Variants in SLC25A6 observed in about 807,000 individuals in gnomAD.
The protein encoded by SLC25A6 is ADP/ATP translocase 3.
Under a neutral mutation model 25.7 loss-of-function variants are expected in SLC25A6, and 9 were observed. The observed-to-expected ratio is 0.35, with a 90% confidence interval of 0.21 to 0.61. SLC25A6 has a LOEUF of 0.61. Ranked by LOEUF, SLC25A6 falls within the 20% of genes least tolerant of loss-of-function variation. The probability of loss-of-function intolerance (pLI) is 0.76; values close to 1 mark genes in which losing one functional copy is unlikely to be tolerated. For missense variants in SLC25A6, 404 were observed against 440.5 expected (o/e 0.92, Z 0.74); for synonymous variants, 223 against 197.0 (o/e 1.13, Z -1.11).
Position 1,386,520 on chromosome X carries a change from T to C in SLC25A6, c.*82A>G. The C allele has an allele frequency of 1.5e-6, 2 of 1,350,884 alleles. No individual in the cohort carries two copies. The highest frequency in any genetic ancestry group is 3.0e-5 in the Admixed American group (1 of 33,168). The allele number at this position is 1,350,884 out of a possible 1,614,324, so 83.7% of individuals were successfully genotyped here. On this transcript the variant is annotated 3_prime_UTR_variant, in exon 4 of 4. Transcript: ENST00000381401. ...AAGACAACTGGAATTTCTCGAAGGT[T>C]GATGGTCCGCACGGTTGAGGATTCT...
In SLC25A6 at chrX:1,389,415, C is replaced by T; in HGVS notation, c.424G>A (p.Ala142Thr). Reference sequence around the variant, plus strand: ...GTGCCTGACTTTCCCACGTCCGCTGCCAGGCGGGTTCTGGCGAAATCCAGC... The same window carrying T: ...GTGCCTGACTTTCCCACGTCCGCTGTCAGGCGGGTTCTGGCGAAATCCAGC... ...YPLDFARTRL[A>T]ADVGKSGTER... The change falls in exon 2 of 4, where the codon GCA becomes ACA. Residue 142 changes from alanine to threonine, a missense_variant. Ala to Thr is a moderately conservative substitution (Grantham distance 58). Transcript: ENST00000381401. 1 of 1,613,794 alleles carries T rather than the reference C, an allele frequency of 6.2e-7. No individual in the cohort carries two copies. Among genetic ancestry groups the T allele is most frequent in the Non-Finnish European group, 8.5e-7 (1 of 1,179,868 alleles).
In SLC25A6 at chrX:1,386,422, G is replaced by A. The variant is rs759141414; in HGVS notation, c.*180C>T. On this transcript the variant is annotated 3_prime_UTR_variant, in exon 4 of 4. Transcript: ENST00000381401. ...TGATCAAGACACGGAATCGGCTGCCGATGGTTGGATCGCAATGCGCCCCTT... is the reference window on the plus strand; with the variant it reads ...TGATCAAGACACGGAATCGGCTGCCAATGGTTGGATCGCAATGCGCCCCTT... 8.8e-5 allele frequency: 68 copies of A among 777,020 alleles called. No individual in the cohort carries two copies. Among genetic ancestry groups the A allele is most frequent in the African/African-American group, 5.2e-4 (29 of 55,648 alleles). The allele number at this position is 777,020 out of a possible 1,614,324, so 48.1% of individuals were successfully genotyped here. A position where few individuals can be genotyped will look rare whatever the true frequency, so the allele number is the denominator to read the frequency against.
At position 1,386,300 on chromosome X, in the gene SLC25A6, G is replaced by T; in HGVS notation, c.*302C>A. The T allele has an allele frequency of 2.7e-6, 1 of 369,748 alleles. No homozygotes were observed. Among genetic ancestry groups the T allele is most frequent in the Non-Finnish European group, 4.8e-6 (1 of 207,998 alleles). 22.9% of individuals were successfully genotyped at this position (369,748 alleles called of 1,614,324 possible). On this transcript the variant is annotated 3_prime_UTR_variant, in exon 4 of 4. Coordinates refer to ENST00000381401, the MANE Select transcript of SLC25A6 (RefSeq NM_001636.4). ...TGTTTTAAATAAATACTTAGAACAC[G>T]ACTTGGCTCCTACAAGCATCTGGAC...
In SLC25A6 at chrX:1,392,043, C is replaced by A; in HGVS notation, c.-34G>T. 6.6e-7 allele frequency: 1 copy of A among 1,523,002 alleles called. No individual in the cohort carries two copies. The highest frequency in any genetic ancestry group is 9.0e-7 in the Non-Finnish European group (1 of 1,110,820). 94.3% of individuals were successfully genotyped at this position (1,523,002 alleles called of 1,614,324 possible). ...GGCGGGCAGCGGAACGGGAGGACAG[C>A]CGGAGAACGGGCGCGGAGAGTGAAT... is the stretch of plus-strand genomic sequence containing the variant. On this transcript the variant is annotated 5_prime_UTR_variant, in exon 1 of 4. Coordinates refer to ENST00000381401, the MANE Select transcript of SLC25A6 (RefSeq NM_001636.4).
chrX:1,387,215 G>A lies in SLC25A6; in HGVS notation c.739+64C>T, dbSNP rs1348380116. The stretch of plus-strand genomic sequence containing the variant: ...CCTTTGATGGTTCCTGACCTCCCAC[G>A]GGCCTAGGGCAAGGAGCTTGGTTCC... On this transcript the variant is annotated intron_variant, in intron 3 of 3. Transcript: ENST00000381401. 6.9e-5 allele frequency: 110 copies of A among 1,585,062 alleles called. No homozygotes were observed. The Admixed American group carries it at 9.5e-4, about 14-fold the overall frequency.
At position 1,389,265 on chromosome X, in the gene SLC25A6, A is replaced by G. The variant is rs1569529175; in HGVS notation, c.574T>C (p.Phe192Leu). The change falls in exon 2 of 4, where the codon TTC becomes CTC. Residue 192 changes from phenylalanine (F) to leucine (L), a missense_variant. Phe to Leu is a conservative substitution (Grantham distance 22). Transcript: ENST00000381401. ...CCCTTGGCCGTATCGTACACGCCGAAGTAGGCCGCCCGGTAGATGATGATG... is the reference window on the plus strand; with the variant it reads ...CCCTTGGCCGTATCGTACACGCCGAGGTAGGCCGCCCGGTAGATGATGATG... ...QGIIIYRAAYFGVYDTAKGML... is the reference protein window; with the variant it reads ...QGIIIYRAAYLGVYDTAKGML... 3.1e-6 allele frequency: 5 copies of G among 1,613,692 alleles called. No homozygotes were observed. Among genetic ancestry groups the G allele is most frequent in the Non-Finnish European group, 4.2e-6 (5 of 1,179,766 alleles).
Position 1,391,915 on chromosome X carries a change from A to G in SLC25A6, c.95T>C (p.Val32Ala). ...SKTAVAPIER[V>A]KLLLQVQHAS... is the part of the protein sequence containing the mutation. ...CGTCCCCACCTGCAGCAGCAGCTTGACCCGCTCGATCGGAGCCACGGCCGT... is the reference window on the plus strand; with the variant it reads ...CGTCCCCACCTGCAGCAGCAGCTTGGCCCGCTCGATCGGAGCCACGGCCGT... The change falls in exon 1 of 4, where the codon GTC becomes GCC. Residue 32 changes from valine to alanine, a missense_variant. Physicochemically the swap from Val to Ala is moderately conservative, Grantham distance 64 (BLOSUM62 0). Coordinates refer to ENST00000381401, the MANE Select transcript of SLC25A6 (RefSeq NM_001636.4). 1 of 1,607,414 alleles carries G rather than the reference A, an allele frequency of 6.2e-7. No individual in the cohort carries two copies. The highest frequency in any genetic ancestry group is 8.5e-7 in the Non-Finnish European group (1 of 1,178,284).
Position 1,389,299 on chromosome X carries a change from G to T in SLC25A6, c.540C>A (p.Ser180=). The change falls in exon 2 of 4, where the codon TCC becomes TCA. Residue 180 remains serine (S), a synonymous_variant. Transcript: ENST00000381401. ...CCCGGTAGATGATGATGCCCTGCAC[G>T]GAGACACTGAAGCCCTGGTACAGGC... ...IRGLYQGFSV[S]VQGIIIYRAA... The T allele has an allele frequency of 6.2e-7, 1 of 1,613,908 alleles. No individual in the cohort carries two copies. Among genetic ancestry groups the T allele is most frequent in the Non-Finnish European group, 8.5e-7 (1 of 1,179,862 alleles).
intron 2 of SLC25A6, 32 bp from the exon 3 acceptor site, chrX:1,387,451 C>A (rs746492487): frequency 5.6e-5 from 90 of 1,607,746 alleles, no homozygotes; most frequent in Non-Finnish European, 7.6e-5. Context: ...CCGTCTCCAG[C>A]GCCTGCACGG....
At chrX:1,390,675 C>T (rs1223679109) in intron 1 of SLC25A6, among the ~76,000 whole-genome samples, 1 of 150,816 alleles carries the variant, frequency 6.6e-6, no homozygotes, top group Non-Finnish European at 1.5e-5. Context: ...AGTGCTGGGA[C>T]ACCCCGCCCT....
Position 1,392,107 on chromosome X carries a change from C to T in SLC25A6, c.-98G>A. The T allele has an allele frequency of 5.6e-6, 5 of 885,684 alleles. No homozygotes were observed. The highest frequency in any genetic ancestry group is 4.4e-5 in the South Asian group (3 of 68,028). The allele number at this position is 885,684 out of a possible 1,614,324, so 54.9% of individuals were successfully genotyped here. On this transcript the variant is annotated 5_prime_UTR_variant, in exon 1 of 4. Coordinates refer to ENST00000381401, the MANE Select transcript of SLC25A6 (RefSeq NM_001636.4). ...GGCTCAGCCCTGCCGCCGCCTGGAC[C>T]GAAAGGACGGAGCAGCCACCGCGCA...
chrX:1,387,534 C>T, intron 2 of SLC25A6, 115 bp from the exon 3 acceptor site: 2 of 1,426,736 alleles, frequency 1.4e-6, no homozygotes, highest in African/African-American at 1.4e-5. Flanking sequence ...CTTCCGAGAC[C>T]ACCAGTGCCC....
intron 1 of SLC25A6, chrX:1,390,221 C>T (rs1484596039): frequency 5.8e-6 from 1 of 172,244 alleles, no homozygotes; most frequent in Non-Finnish European, 1.3e-5. Flanking sequence ...CTACGATGAC[C>T]AAGCTGCTCT....
chrX:1,389,054 G>A (rs1442555505), intron 2 of SLC25A6, among the ~76,000 whole-genome samples, 187 bp downstream of exon 2: 2 of 151,564 alleles, frequency 1.3e-5, no homozygotes, highest in Non-Finnish European at 2.9e-5. Flanking sequence ...TGAGGACACA[G>A]ACACACACAG....
intron 1 of SLC25A6, among the ~76,000 whole-genome samples, chrX:1,391,427 G>T (rs1281406818): frequency 1.3e-5 from 2 of 152,190 alleles, no homozygotes; most frequent in Non-Finnish European, 2.9e-5. Context: ...TAAGAAGGGG[G>T]TAAGAACCAC....
chrX:1,391,799 C>T, intron 1 of SLC25A6, 100 bp downstream of exon 1: 1 of 893,312 alleles, frequency 1.1e-6, no homozygotes. Context: ...CTTCCACTTC[C>T]GGCGCCCGCC....
intron 2 of SLC25A6, 78 bp downstream of exon 2, chrX:1,389,163 C>T: frequency 6.6e-7 from 1 of 1,512,908 alleles, no homozygotes; most frequent in Non-Finnish European, 9.0e-7. Flanking sequence ...TATCTCAGAC[C>T]TTCAGCCCAC....
chrX:1,388,802 AGAG>A (rs1458102801), intron 2 of SLC25A6, among the ~76,000 whole-genome samples: 1 of 151,284 alleles, frequency 6.6e-6, no homozygotes, highest in Non-Finnish European at 1.5e-5. Context: ...TCTCATAACA[AGAG>A]GAGATGAGGA....
Position 1,386,811 on chromosome X carries a change from C to T in SLC25A6, c.740-52G>A, listed in dbSNP as rs73624898. The T allele has an allele frequency of 2.1e-3, 3,230 of 1,570,988 alleles. 60 individuals are homozygous for T. In the African/African-American group the frequency reaches 0.035, roughly 17 times the overall value. On this transcript the variant is annotated intron_variant, in intron 3 of 3. Transcript: ENST00000381401. The stretch of plus-strand genomic sequence containing the variant: ...CCTCGCCGCCAAGCTCTTCAAGACA[C>T]GGACGCCACCTGCACCCACAAAGAC...
Sources: allele counts gnomAD v4.1 joint callset (sites outside exome capture counted in the v4.1 genomes callset), GRCh38; gene constraint gnomAD v4.1.1; transcripts MANE v1.5; gene names NCBI Gene and HGNC (gene_info 2026-07-23, HGNC 2026-07-21).